Variants in JDP2 observed in about 807,000 individuals in gnomAD.
JDP2 encodes Jun dimerization protein 2.
In JDP2, 9 loss-of-function variants were observed where a neutral mutation model predicts 17.1. The observed-to-expected ratio is 0.53, with a 90% CI of 0.32 to 0.92. JDP2 has a LOEUF of 0.92. Ranked by LOEUF, JDP2 falls within the 40% of genes least tolerant of loss-of-function variation. The pLI is 0.04. For missense variants in JDP2, 179 were observed against 220.0 expected, an observed-to-expected ratio of 0.81 and a Z score of 1.18; for synonymous variants, 107 against 95.6, an observed-to-expected ratio of 1.12 and a Z score of -0.69.
At chr14:75,429,695 C>G (rs945004295) in intron 1 of JDP2, among the ~76,000 whole-genome samples, 3 of 152,122 alleles carry the variant, frequency 2.0e-5, no homozygotes, top group Non-Finnish European at 4.4e-5. Context: ...TTGTATAAAC[C>G]TGAGGATCGA....
chr14:75,465,966 C>T (rs1238990321), intron 3 of JDP2, among the ~76,000 whole-genome samples: 2 of 152,054 alleles, frequency 1.3e-5, no homozygotes, highest in African/African-American at 4.8e-5. Context: ...TCGCTCAGTT[C>T]CTTCATTAAT....
intron 3 of JDP2, among the ~76,000 whole-genome samples, chr14:75,468,114 G>T (rs1886649066): frequency 6.6e-6 from 1 of 152,164 alleles, no homozygotes; most frequent in Non-Finnish European, 1.5e-5. Flanking sequence ...TGGGCTTACG[G>T]GCCCTCTGGT....
intron 2 of JDP2, among the ~76,000 whole-genome samples, chr14:75,459,268 G>C (rs1886244719): frequency 6.6e-6 from 1 of 152,202 alleles, no homozygotes; most frequent in Non-Finnish European, 1.5e-5. Flanking sequence ...TGGCCTTGTT[G>C]GGGGTGAGGT....
intron 3 of JDP2, among the ~76,000 whole-genome samples, chr14:75,466,389 C>T: frequency 6.6e-6 from 1 of 152,102 alleles, no homozygotes; most frequent in East Asian, 1.9e-4. Flanking sequence ...TGCAGTGAGC[C>T]AAGATCATGC....
rs1260525031 is a variant in JDP2, at chr14:75,428,810, G to A, written c.-24+558G>A. On this transcript the variant is annotated intron_variant, in intron 1 of 3. Coordinates refer to ENST00000651602, the MANE Select transcript of JDP2 (RefSeq NM_001135048.2). The surrounding 1 kb of genome is among the most constrained non-coding windows in gnomAD (Gnocchi z 5.6). ...GGCTCGGGATTTCCATCCAATGAAG[G>A]CAGCTTCTCTCATGGCCATTGCTTC... Among the ~76,000 whole-genome samples the A allele has an allele frequency of 2.0e-5, 3 of 152,196 alleles. No homozygotes were observed. The highest frequency in any genetic ancestry group is 6.5e-5 in the Admixed American group (1 of 15,286).
Position 75,437,938 on chromosome 14 carries a change from C to A in JDP2, c.18C>A (p.Ile6=). ...CTCCTGCTATGATGCCTGGGCAGAT[C>A]CCGGACCCTTCGGTGACCACAGGCT... The part of the protein sequence containing the change: MMPGQ[I]PDPSVTTGSL... The change falls in exon 2 of 4, where the codon ATC becomes ATA. Residue 6 remains isoleucine, a synonymous_variant. Coordinates refer to ENST00000651602, the MANE Select transcript of JDP2 (RefSeq NM_001135048.2). The A allele has an allele frequency of 6.2e-7, 1 of 1,611,602 alleles. No individual in the cohort carries two copies. The highest frequency in any genetic ancestry group is 8.5e-7 in the Non-Finnish European group (1 of 1,179,156).
intron 2 of JDP2, among the ~76,000 whole-genome samples, chr14:75,440,174 C>A (rs1177475617): frequency 6.6e-6 from 1 of 152,190 alleles, no homozygotes; most frequent in Non-Finnish European, 1.5e-5. Flanking sequence ...ATCCAGGCCG[C>A]AAAAATAACA....
chr14:75,436,718 G>T (rs777816082), intron 1 of JDP2, among the ~76,000 whole-genome samples: 3 of 152,216 alleles, frequency 2.0e-5, no homozygotes, highest in Admixed American at 6.5e-5. Flanking sequence ...TTTCTTCACT[G>T]CCATCTGTGC....
At chr14:75,440,674 CA>C (rs1301942376) in intron 2 of JDP2, among the ~76,000 whole-genome samples, 3 of 152,170 alleles carry the variant, frequency 2.0e-5, no homozygotes, top group Non-Finnish European at 4.4e-5. Context: ...CTCAGGGTCA[CA>C]CTGCTGGGAA....
upstream of JDP2, chr14:75,427,660 G>A (rs1884583091): frequency 6.5e-6 from 1 of 153,804 alleles, no homozygotes; most frequent in Non-Finnish European, 1.4e-5. This position sits in a 1 kb window ranked among gnomAD's most constrained non-coding sequence, Gnocchi z 4.4. Context: ...CTGCCTGGCG[G>A]GCACAAGCCG....
Position 75,439,629 on chromosome 14 carries a change from G to A in JDP2, c.201+1508G>A, listed in dbSNP as rs534909405. ...TTTGTGCTCAAGACACGTGGATAAG[G>A]TCCATCATAGGTGCCTACTAAAGAC... On this transcript the variant is annotated intron_variant, in intron 2 of 3. Transcript: ENST00000651602. Among the ~76,000 whole-genome samples, 20 of 152,322 alleles carry A rather than the reference G, an allele frequency of 1.3e-4. No individual in the cohort carries two copies. In the East Asian group the frequency reaches 3.7e-3, roughly 28 times the overall value.
In JDP2 at chr14:75,459,518, G is replaced by A. The variant is rs571394884; in HGVS notation, c.202-1908G>A. On this transcript the variant is annotated intron_variant, in intron 2 of 3. Transcript: ENST00000651602. ...GGGCTGCCCTGCCAAGGCCTGTGCCGATGGCCATGGTGCTGGTCTCGGGCC... is the reference window on the plus strand; with the variant it reads ...GGGCTGCCCTGCCAAGGCCTGTGCCAATGGCCATGGTGCTGGTCTCGGGCC... 3.9e-5 allele frequency among the ~76,000 whole-genome samples: 6 copies of A among 152,330 alleles called. No individual in the cohort carries two copies. The South Asian group carries it at 1.0e-3, about 26-fold the overall frequency.
chr14:75,458,131 A>G (rs1361058361), intron 2 of JDP2, among the ~76,000 whole-genome samples: 1 of 152,202 alleles, frequency 6.6e-6, no homozygotes, highest in Non-Finnish European at 1.5e-5. Flanking sequence ...GGAGACTCCT[A>G]CAGTGCTGTA....
chr14:75,471,851 C>A lies in JDP2; in HGVS notation c.*2376C>A. 1 of 152,926 alleles carries A rather than the reference C, an allele frequency of 6.5e-6. No individual in the cohort carries two copies. Among genetic ancestry groups the A allele is most frequent in the South Asian group, 1.9e-4 (1 of 5,342 alleles). The allele number at this position is 152,926 out of a possible 1,614,324, so 9.5% of individuals were successfully genotyped here. ...CATCAGGAACCCCTCGCGCTGTAAT[C>A]CTTTGATATTTTTCAAGCCATGAGA... On this transcript the variant is annotated 3_prime_UTR_variant, in exon 4 of 4. Transcript: ENST00000651602.
rs1454335876 is a variant in JDP2 at position 75,470,488 on chromosome 14, G to A, written c.*1013G>A. The stretch of plus-strand genomic sequence containing the variant: ...CTTGCGTGGTGTCTGCCTGGGGAAT[G>A]GGTGCAAGGCCCTCTCAGGGTCGGA... On this transcript the variant is annotated 3_prime_UTR_variant, in exon 4 of 4. Transcript: ENST00000651602. 1 of 152,544 alleles carries A rather than the reference G, an allele frequency of 6.6e-6. No homozygotes were observed. Among genetic ancestry groups the A allele is most frequent in the Non-Finnish European group, 1.5e-5 (1 of 68,118 alleles). 9.4% of individuals were successfully genotyped at this position (152,544 alleles called of 1,614,324 possible). A position where few individuals can be genotyped will look rare whatever the true frequency, so the allele number is the denominator to read the frequency against.
chr14:75,465,281 T>C (rs1315534927), intron 3 of JDP2, among the ~76,000 whole-genome samples: 1 of 115,596 alleles, frequency 8.7e-6, no homozygotes, highest in African/African-American at 3.5e-5. Context: ...ATCTATTTTA[T>C]ATGCCTTAGA....
At chr14:75,462,452 A>G (rs1886383211) in intron 3 of JDP2, among the ~76,000 whole-genome samples, 1 of 152,216 alleles carries the variant, frequency 6.6e-6, no homozygotes, top group Non-Finnish European at 1.5e-5. Context: ...ACATTATCTC[A>G]TTTTATTGGG....
chr14:75,433,447 C>T (rs1333879135), intron 1 of JDP2, among the ~76,000 whole-genome samples: 3 of 150,300 alleles, frequency 2.0e-5, no homozygotes, highest in Non-Finnish European at 3.0e-5. Flanking sequence ...ATTTTCTAGA[C>T]TTGACATGTT....
At chr14:75,434,024 G>T (rs1026346423) in intron 1 of JDP2, among the ~76,000 whole-genome samples, 3 of 152,016 alleles carry the variant, frequency 2.0e-5, no homozygotes, top group Admixed American at 6.6e-5. Context: ...AATTGTTTCC[G>T]TATGGAACAA....
Sources: gnomAD v4.1 joint callset for allele counts (sites outside exome capture counted in the v4.1 genomes callset) on GRCh38, gnomAD v4.1.1 for gene constraint, Gnocchi (gnomAD v3.1) non-coding constraint, MANE v1.5 for transcripts, NCBI Gene and HGNC (gene_info 2026-07-23, HGNC 2026-07-21) for gene names.